POLR2D: variants seen among roughly 807,000 people sequenced by gnomAD.
POLR2D encodes the protein DNA-directed RNA polymerase II subunit RPB4.
In POLR2D, 10 loss-of-function variants were observed where a neutral mutation model predicts 17.6. The observed-to-expected ratio is 0.57, with a 90% CI of 0.35 to 0.96. The LOEUF is 0.96. Among genes scored for constraint, POLR2D ranks in the 40% least tolerant of loss-of-function variants. POLR2D has a pLI of 0.02. For synonymous variants in POLR2D, 52 were observed against 60.2 expected, an observed-to-expected ratio of 0.86 and a Z score of 0.63; for missense variants, 126 against 176.4, an observed-to-expected ratio of 0.71 and a Z score of 1.62.
In POLR2D at chr2:127,845,337, A is replaced by G. The variant is rs535317960; in HGVS notation, c.*2770T>C. ...ATGCAAATTCATCAAGCATTAAAAAACGAAAGTTAACTGTAGATTTGGGTA... is the reference window on the plus strand; with the variant it reads ...ATGCAAATTCATCAAGCATTAAAAAGCGAAAGTTAACTGTAGATTTGGGTA... On this transcript the variant is annotated 3_prime_UTR_variant, in exon 4 of 4. Transcript: ENST00000272645. 1 of 147,262 alleles carries G rather than the reference A, an allele frequency of 6.8e-6. No individual in the cohort carries two copies. The highest frequency in any genetic ancestry group is 2.0e-4 in the East Asian group (1 of 4,980). 9.1% of individuals were successfully genotyped at this position (147,262 alleles called of 1,614,324 possible).
chr2:127,844,553 G>A lies in POLR2D; in HGVS notation c.*3554C>T, dbSNP rs1167807542. 1.3e-5 allele frequency: 2 copies of A among 152,168 alleles called. No individual in the cohort carries two copies. Among genetic ancestry groups the A allele is most frequent in the Non-Finnish European group, 2.9e-5 (2 of 68,042 alleles). The allele number at this position is 152,168 out of a possible 1,614,324, so 9.4% of individuals were successfully genotyped here. A position where few individuals can be genotyped will look rare whatever the true frequency, so the allele number is the denominator to read the frequency against. On this transcript the variant is annotated 3_prime_UTR_variant, in exon 4 of 4. Transcript: ENST00000272645. ...CAATAGCAATATGCTGTCCAGCCCT[G>A]TAAACAATTTTTGACTGTCTTGCAG...
rs1218975995 is a variant in POLR2D at position 127,845,294 on chromosome 2, C to T, written c.*2813G>A. The T allele has an allele frequency of 6.6e-6, 1 of 151,972 alleles. No homozygotes were observed. The highest frequency in any genetic ancestry group is 1.9e-4 in the East Asian group (1 of 5,192). The allele number at this position is 151,972 out of a possible 1,614,324, so 9.4% of individuals were successfully genotyped here. On this transcript the variant is annotated 3_prime_UTR_variant, in exon 4 of 4. Transcript: ENST00000272645. The stretch of plus-strand genomic sequence containing the variant: ...GAACAATACAGAGAAGACAGCATGG[C>T]CACTGCCCAAGAATGACATGCAAAT...
intron 1 of POLR2D, chr2:127,857,089 ATTAAC>A (rs933040075): frequency 2.6e-5 from 4 of 152,188 alleles, no homozygotes; most frequent in African/African-American, 9.7e-5. Flanking sequence ...AGGTGCCGTG[ATTAAC>A]TTAAGCCCAG....
Position 127,844,106 on chromosome 2 carries a change from C to CTAAAAAAAAAAA in POLR2D, c.*4000_*4001insTTTTTTTTTTTA, listed in dbSNP as rs1690111181. 1 of 40,270 alleles carries CTAAAAAAAAAAA rather than the reference C, an allele frequency of 2.5e-5. No homozygotes were observed. Among genetic ancestry groups the CTAAAAAAAAAAA allele is most frequent in the Non-Finnish European group, 4.8e-5 (1 of 20,810 alleles). 2.5% of individuals were successfully genotyped at this position (40,270 alleles called of 1,614,324 possible). A position where few individuals can be genotyped will look rare whatever the true frequency, so the allele number is the denominator to read the frequency against. ...GCGACAGAGCAAGATCCTGCTGTAT[C>CTAAAAAAAAAAA]CAAAAAAAAAAAAAAAAAAAGCCTG... On this transcript the variant is annotated 3_prime_UTR_variant, in exon 4 of 4. Transcript: ENST00000272645.
Position 127,850,696 on chromosome 2 carries a change from G to GA in POLR2D, c.255-12_255-11insT. ...TTCTGGAGTAGCAAGCTAATCAAAA[G>GA]GAAAAAAAAAAAATCAAAATAATCA... On this transcript the variant is annotated splice_polypyrimidine_tract_variant and intron_variant, in intron 2 of 3. Coordinates refer to ENST00000272645, the MANE Select transcript of POLR2D (RefSeq NM_004805.4). The GA allele has an allele frequency of 8.3e-7, 1 of 1,204,780 alleles. No individual in the cohort carries two copies. Among genetic ancestry groups the GA allele is most frequent in the East Asian group, 2.5e-5 (1 of 40,120 alleles). 74.6% of individuals were successfully genotyped at this position (1,204,780 alleles called of 1,614,324 possible). A position where few individuals can be genotyped will look rare whatever the true frequency, so the allele number is the denominator to read the frequency against.
At chr2:127,849,501 C>G (rs1014092754) in intron 3 of POLR2D, among the ~76,000 whole-genome samples, 11 of 152,166 alleles carry the variant, frequency 7.2e-5, no homozygotes, top group Non-Finnish European at 1.0e-4. Context: ...TTTATACTCA[C>G]TACACATTTA....
At chr2:127,855,115 G>A (rs115666704) in intron 1 of POLR2D, among the ~76,000 whole-genome samples, 198 of 152,102 alleles carry the variant, frequency 1.3e-3, no homozygotes, top group African/African-American at 4.4e-3. Flanking sequence ...ATGCCTCCCA[G>A]GCTAAGCGCA....
intron 3 of POLR2D, 47 bp from the exon 4 acceptor site, chr2:127,848,232 C>G (rs1183310839): frequency 8.1e-7 from 1 of 1,237,630 alleles, no homozygotes; most frequent in Admixed American, 1.8e-5. Flanking sequence ...CTGGCAATTT[C>G]CCCGCACTCT....
chr2:127,857,851 C>A (rs1690364267), intron 1 of POLR2D, 177 bp downstream of exon 1: 1 of 1,323,418 alleles, frequency 7.6e-7, no homozygotes, highest in East Asian at 3.2e-5. Flanking sequence ...GTTGCCCAGG[C>A]GGTCCCTCCC....
intron 1 of POLR2D, among the ~76,000 whole-genome samples, chr2:127,854,325 G>A (rs575448974): frequency 1.3e-5 from 2 of 152,252 alleles, no homozygotes; most frequent in East Asian, 3.9e-4. Context: ...TTATCTCAAA[G>A]TATTAGAGAT....
Position 127,855,211 on chromosome 2 carries a change from G to C in POLR2D, c.74-2106C>G, listed in dbSNP as rs558714661. On this transcript the variant is annotated intron_variant, in intron 1 of 3. Coordinates refer to ENST00000272645, the MANE Select transcript of POLR2D (RefSeq NM_004805.4). ...CAGGAGTTCGAGACCAGCCTAACAT[G>C]GTGAAACCCCATCTCTACTAAAAAT... Among the ~76,000 whole-genome samples the C allele has an allele frequency of 2.0e-5, 3 of 151,876 alleles. No homozygotes were observed. The East Asian group carries it at 5.8e-4, about 29-fold the overall frequency.
At position 127,843,824 on chromosome 2, in the gene POLR2D, G is replaced by A. The variant is rs960621028; in HGVS notation, c.*4283C>T. ...GATTAATGCCCTTATAAAAGAGGCT[G>A]CGGGCTGGGTGCAGTGACTCATGCC... On this transcript the variant is annotated 3_prime_UTR_variant, in exon 4 of 4. Transcript: ENST00000272645. 3.3e-5 allele frequency: 5 copies of A among 153,574 alleles called. No homozygotes were observed. The highest frequency in any genetic ancestry group is 1.2e-4 in the African/African-American group (5 of 41,384). The allele number at this position is 153,574 out of a possible 1,614,324, so 9.5% of individuals were successfully genotyped here.
chr2:127,855,973 G>A (rs953810634), intron 1 of POLR2D, among the ~76,000 whole-genome samples: 3 of 152,098 alleles, frequency 2.0e-5, no homozygotes, highest in Admixed American at 6.6e-5. Flanking sequence ...AAATTTTACC[G>A]AGGATACGTC....
chr2:127,852,974 C>G lies in POLR2D; in HGVS notation c.205G>C (p.Ala69Pro). 2 of 1,614,032 alleles carry G rather than the reference C, an allele frequency of 1.2e-6. No homozygotes were observed. Among genetic ancestry groups the G allele is most frequent in the Non-Finnish European group, 1.7e-6 (2 of 1,179,922 alleles). ...EVFMKTLNYT[A>P]RFSRFKNRET... ...CTGTTTTTGAAACGACTGAAACGGG[C>G]TGTGTAGTTTAATGTTTTCATGAAG... The change falls in exon 2 of 4, where the codon GCC becomes CCC. Residue 69 changes from alanine to proline, a missense_variant. Physicochemically the swap from Ala to Pro is conservative, Grantham distance 27. Coordinates refer to ENST00000272645, the MANE Select transcript of POLR2D (RefSeq NM_004805.4). The surrounding 1 kb of genome is among the most constrained non-coding windows in gnomAD (Gnocchi z 4.0).
intron 3 of POLR2D, among the ~76,000 whole-genome samples, chr2:127,848,763 G>A (rs886861140): frequency 2.0e-5 from 3 of 152,150 alleles, no homozygotes; most frequent in Admixed American, 6.6e-5. Flanking sequence ...TGATCCGCCC[G>A]CCTCAGCCTC....
chr2:127,853,119 G>A lies in POLR2D; in HGVS notation c.74-14C>T. 6.3e-7 allele frequency: 1 copy of A among 1,593,276 alleles called. No individual in the cohort carries two copies. The highest frequency in any genetic ancestry group is 8.6e-7 in the Non-Finnish European group (1 of 1,168,702). ...CTGTTTCAAACTCTATTTGTAAGAA[G>A]CATAAATGGCAGCTGAAAATACTCC... is the stretch of plus-strand genomic sequence containing the variant. On this transcript the variant is annotated splice_polypyrimidine_tract_variant and intron_variant, in intron 1 of 3. Coordinates refer to ENST00000272645, the MANE Select transcript of POLR2D (RefSeq NM_004805.4).
chr2:127,846,558 C>T lies in POLR2D; in HGVS notation c.*1549G>A, dbSNP rs1245923677. The T allele has an allele frequency of 6.6e-6, 1 of 151,994 alleles. No individual in the cohort carries two copies. The highest frequency in any genetic ancestry group is 1.9e-4 in the East Asian group (1 of 5,204). 9.4% of individuals were successfully genotyped at this position (151,994 alleles called of 1,614,324 possible). ...CTCCTTCCAAATAAAGCACTTATTG[C>T]TAATTAGCAGGCCAGAGGCTTAGAC... On this transcript the variant is annotated 3_prime_UTR_variant, in exon 4 of 4. Transcript: ENST00000272645.
intron 1 of POLR2D, chr2:127,857,085 C>G (rs1461334135): frequency 9.2e-5 from 14 of 151,896 alleles, no homozygotes; most frequent in Admixed American, 9.2e-4. Context: ...GGTCAGGTGC[C>G]GTGATTAACT....
chr2:127,844,431 G>GT lies in POLR2D; in HGVS notation c.*3675dup, dbSNP rs923036392. The GT allele has an allele frequency of 6.6e-6, 1 of 152,162 alleles. No homozygotes were observed. Among genetic ancestry groups the GT allele is most frequent in the Non-Finnish European group, 1.5e-5 (1 of 68,022 alleles). The allele number at this position is 152,162 out of a possible 1,614,324, so 9.4% of individuals were successfully genotyped here. A position where few individuals can be genotyped will look rare whatever the true frequency, so the allele number is the denominator to read the frequency against. ...GGGTTTGACAACCTATCTTTTTGTT[G>GT]TATCAGTATGTTCCCAAATTCTTTC... On this transcript the variant is annotated 3_prime_UTR_variant, in exon 4 of 4. Transcript: ENST00000272645.
Sources: allele counts gnomAD v4.1 joint callset (sites outside exome capture counted in the v4.1 genomes callset), GRCh38; gene constraint gnomAD v4.1.1; non-coding constraint Gnocchi (gnomAD v3.1); transcripts MANE v1.5; gene names NCBI Gene and HGNC (gene_info 2026-07-23, HGNC 2026-07-21).